Variants in DLD observed in about 807,000 individuals in gnomAD.
DLD encodes dihydrolipoyl dehydrogenase, mitochondrial.
Under a neutral mutation model 62.2 loss-of-function variants are expected in DLD, and 36 were observed. The ratio of observed to expected loss-of-function variants is 0.58; its 90% CI spans 0.44 to 0.76. DLD has a LOEUF of 0.76. DLD is among the 30% of genes least tolerant of loss of function. DLD has a pLI of 0.00. For synonymous variants in DLD, 204 were observed against 199.6 expected (o/e 1.02, Z -0.19); for missense variants, 541 against 608.6 (o/e 0.89, Z 1.17).
chr7:107,903,571 T>G, intron 5 of DLD, 24 bp downstream of exon 5: 2 of 1,421,304 alleles, frequency 1.4e-6, no homozygotes, highest in Non-Finnish European at 2.0e-6. Context: ...TCATGCTTAA[T>G]GATATTACCA....
At position 107,893,139 on chromosome 7, in the gene DLD, C is replaced by T. The variant is rs2031630208; in HGVS notation, c.40-61C>T. On this transcript the variant is annotated intron_variant, in intron 1 of 13. Coordinates refer to ENST00000205402, the MANE Select transcript of DLD (RefSeq NM_000108.5). The stretch of plus-strand genomic sequence containing the variant: ...CCAAAATTGTTCTGTTATCATCAAC[C>T]TTCAGTAGTTCTATGTTTTGAATTC... 31 of 1,414,302 alleles carry T rather than the reference C, an allele frequency of 2.2e-5. No homozygotes were observed. In the East Asian group the frequency reaches 7.1e-4, roughly 32 times the overall value. 87.6% of individuals were successfully genotyped at this position (1,414,302 alleles called of 1,614,324 possible).
intron 1 of DLD, 31 bp from the exon 2 acceptor site, chr7:107,893,169 C>T (rs764343257): frequency 7.0e-6 from 11 of 1,582,206 alleles, no homozygotes; most frequent in Non-Finnish European, 9.5e-6. Context: ...GAATTCATAT[C>T]TTACATAATA....
Position 107,917,924 on chromosome 7 carries a change from G to T in DLD, c.1237G>T (p.Gly413Cys), listed in dbSNP as rs1159513854. The change falls in exon 12 of 14, where the codon GGT becomes TGT. Residue 413 changes from glycine to cysteine, a missense_variant and splice_region_variant. Gly to Cys is a radical substitution (Grantham distance 159). Transcript: ENST00000205402. Reference sequence around the variant, plus strand: ...GATTCTTTTTTTCTGACTGTCACAGGGTATTGAGTACAAAGTTGGGAAATT... The same window carrying T: ...GATTCTTTTTTTCTGACTGTCACAGTGTATTGAGTACAAAGTTGGGAAATT... ...GKSEEQLKEEGIEYKVGKFPF... is the reference protein window; with the variant it reads ...GKSEEQLKEECIEYKVGKFPF... The T allele has an allele frequency of 6.2e-7, 1 of 1,613,820 alleles. No individual in the cohort carries two copies. The highest frequency in any genetic ancestry group is 8.5e-7 in the Non-Finnish European group (1 of 1,179,928).
At chr7:107,902,828 T>C (rs1361299666) in intron 4 of DLD, among the ~76,000 whole-genome samples, 1 of 152,224 alleles carries the variant, frequency 6.6e-6, no homozygotes, top group Non-Finnish European at 1.5e-5. Flanking sequence ...TTTTCATTCT[T>C]GTTTGTTGAA....
At chr7:107,891,532 G>GC in intron 1 of DLD, 1 of 601,436 alleles carries the variant, frequency 1.7e-6, no homozygotes, top group Non-Finnish European at 2.9e-6. Context: ...TTGTGTGACG[G>GC]CCGGCGGTCA....
intron 2 of DLD, among the ~76,000 whole-genome samples, chr7:107,896,473 C>T (rs2031728120): frequency 1.3e-5 from 2 of 152,216 alleles, no homozygotes; most frequent in African/African-American, 4.8e-5. Context: ...TGCCCAAGAA[C>T]TTAACGGGGT....
At chr7:107,901,550 A>G (rs759301081) in intron 2 of DLD, among the ~76,000 whole-genome samples, 188 bp from the exon 3 acceptor site, 3 of 152,210 alleles carry the variant, frequency 2.0e-5, no homozygotes, top group African/African-American at 4.8e-5. Flanking sequence ...TTGAGTATTT[A>G]TGCCATTTTT....
chr7:107,894,406 A>G (rs192942449), intron 2 of DLD, among the ~76,000 whole-genome samples: 9 of 152,298 alleles, frequency 5.9e-5, no homozygotes, highest in Admixed American at 5.9e-4. Flanking sequence ...TTTTATTTCT[A>G]GAGGAAGGGT....
chr7:107,911,972 C>T (rs947000365), intron 8 of DLD, among the ~76,000 whole-genome samples: 1 of 151,778 alleles, frequency 6.6e-6, no homozygotes, highest in African/African-American at 2.4e-5. Context: ...CTCTTCATTC[C>T]TCTTCTCCCC....
In DLD at chr7:107,891,285, C is replaced by T. The variant is rs200148324; in HGVS notation, c.35C>T (p.Ala12Val). Residue 12 changes from alanine to valine, a missense_variant, in exon 1 of 14, where the codon GCC becomes GTC. Coordinates refer to ENST00000205402, the MANE Select transcript of DLD (RefSeq NM_000108.5). ...TGGAGTCGTGTGTACTGCTCCTTGG[C>T]CAAGGTGAGGGCCGAGTAGGTGAGG... ...QSWSRVYCSLAKRGHFNRISH... is the reference protein window; with the variant it reads ...QSWSRVYCSLVKRGHFNRISH... 4.3e-6 allele frequency: 7 copies of T among 1,614,098 alleles called. No individual in the cohort carries two copies. In the East Asian group the frequency reaches 1.3e-4, roughly 31 times the overall value.
chr7:107,895,878 A>G (rs2031709746), intron 2 of DLD, among the ~76,000 whole-genome samples: 2 of 152,084 alleles, frequency 1.3e-5, no homozygotes, highest in Non-Finnish European at 2.9e-5. Context: ...TTATATATAC[A>G]CACACACAGA....
At chr7:107,891,738 A>G (rs2031583718) in intron 1 of DLD, 2 of 249,490 alleles carry the variant, frequency 8.0e-6, no homozygotes, top group Non-Finnish European at 1.6e-5. Flanking sequence ...CACTTCTTGA[A>G]TGGTTTAGAT....
At chr7:107,915,471 T>G in intron 8 of DLD, 35 bp from the exon 9 acceptor site, 5 of 1,607,022 alleles carry the variant, frequency 3.1e-6, no homozygotes, top group Non-Finnish European at 4.3e-6. Flanking sequence ...TATAGAAACT[T>G]TTATGATTAT....
intron 8 of DLD, among the ~76,000 whole-genome samples, chr7:107,908,406 G>A (rs996736923): frequency 7.2e-5 from 11 of 152,010 alleles, no homozygotes; most frequent in African/African-American, 2.7e-4. Flanking sequence ...GATGGTTCAT[G>A]TCTATAATCC....
In DLD at chr7:107,920,222, T is replaced by C. The variant is rs1429639115; in HGVS notation, c.*963T>C. The C allele has an allele frequency of 6.6e-6, 1 of 152,294 alleles. No homozygotes were observed. The highest frequency in any genetic ancestry group is 1.5e-5 in the Non-Finnish European group (1 of 68,038). The allele number at this position is 152,294 out of a possible 1,614,324, so 9.4% of individuals were successfully genotyped here. On this transcript the variant is annotated 3_prime_UTR_variant, in exon 14 of 14. Transcript: ENST00000205402. Reference sequence around the variant, plus strand: ...TTTTCCTTGGCTGGGTTAATGACTGTTTATTTAAAGAGTGTTGTAAAATTG... The same window carrying C: ...TTTTCCTTGGCTGGGTTAATGACTGCTTATTTAAAGAGTGTTGTAAAATTG...
chr7:107,906,722 T>C (rs543967769), intron 8 of DLD, among the ~76,000 whole-genome samples: 29 of 152,336 alleles, frequency 1.9e-4, no homozygotes, highest in African/African-American at 6.5e-4. Flanking sequence ...ATCACATACA[T>C]GATTTGGCTC....
chr7:107,913,314 G>A (rs1047654197), intron 8 of DLD, among the ~76,000 whole-genome samples: 9 of 151,938 alleles, frequency 5.9e-5, no homozygotes, highest in Non-Finnish European at 1.2e-4. Context: ...CATTGAATCT[G>A]TAAATTACCT....
At chr7:107,891,632 G>T in intron 1 of DLD, 1 of 488,512 alleles carries the variant, frequency 2.0e-6, no homozygotes, top group Non-Finnish European at 3.8e-6. Flanking sequence ...CCCATGTCCC[G>T]TATAGTCTGG....
At chr7:107,916,688 A>G in intron 9 of DLD, 106 bp from the exon 10 acceptor site, 1 of 1,241,500 alleles carries the variant, frequency 8.1e-7, no homozygotes, top group South Asian at 1.2e-5. Flanking sequence ...AAACAAAACA[A>G]AAATGAAAAT....
Sources: gnomAD v4.1 joint callset for allele counts (sites outside exome capture counted in the v4.1 genomes callset) on GRCh38, gnomAD v4.1.1 for gene constraint, MANE v1.5 for transcripts, NCBI Gene and HGNC (gene_info 2026-07-23, HGNC 2026-07-21) for gene names.